Variants in NRXN3 observed in about 807,000 individuals in gnomAD.
NRXN3 encodes the protein neurexin III.
In NRXN3, 32 loss-of-function variants were observed where a neutral mutation model predicts 137.6. That is an observed-to-expected ratio of 0.23 (90% confidence interval 0.18 to 0.31). The LOEUF (loss-of-function observed/expected upper bound fraction) is 0.31. Ranked by LOEUF, NRXN3 falls within the 10% of genes least tolerant of loss-of-function variation. The probability of loss-of-function intolerance (pLI) is 1.00; values close to 1 mark genes in which losing one functional copy is unlikely to be tolerated. For synonymous variants in NRXN3, 798 were observed against 784.5 expected, an observed-to-expected ratio of 1.02 and a Z score of -0.29; for missense variants, 1,574 against 2,062.5, an observed-to-expected ratio of 0.76 and a Z score of 4.59.
chr14:79,722,401 A>G (rs1777621261), intron 19 of NRXN3, among the ~76,000 whole-genome samples: 1 of 152,132 alleles, frequency 6.6e-6, no homozygotes, highest in East Asian at 1.9e-4. Context: ...ACTTCATGCC[A>G]TCATGCCTGT....
intron 8 of NRXN3, among the ~76,000 whole-genome samples, chr14:78,789,065 T>G (rs1166594588): frequency 5.9e-5 from 9 of 152,278 alleles, no homozygotes; most frequent in African/African-American, 2.2e-4. Context: ...ATTTTGAAAT[T>G]TTATAACATG....
chr14:79,839,056 A>C (rs1052776943), intron 20 of NRXN3, among the ~76,000 whole-genome samples: 17 of 152,302 alleles, frequency 1.1e-4, no homozygotes, highest in African/African-American at 3.8e-4. Flanking sequence ...ACAGAAAAGG[A>C]CTGAAGAAAG....
chr14:78,523,559 G>A (rs1467297404), intron 4 of NRXN3, among the ~76,000 whole-genome samples: 1 of 150,710 alleles, frequency 6.6e-6, no homozygotes, highest in African/African-American at 2.4e-5. Context: ...CAGCACTTTG[G>A]GAGGCCAAGG....
chr14:78,517,196 A>G (rs959824163), intron 4 of NRXN3, among the ~76,000 whole-genome samples: 2 of 152,174 alleles, frequency 1.3e-5, no homozygotes, highest in Admixed American at 6.5e-5. Context: ...TTAGAAATGT[A>G]TAAATCAGTG....
intron 15 of NRXN3, among the ~76,000 whole-genome samples, chr14:79,231,510 T>C (rs1356490120): frequency 6.6e-6 from 1 of 152,146 alleles, no homozygotes; most frequent in Non-Finnish European, 1.5e-5. Flanking sequence ...CCTGTTTCAG[T>C]AGGATAATTT....
intron 4 of NRXN3, among the ~76,000 whole-genome samples, chr14:78,306,127 C>T (rs1427112115): frequency 1.3e-5 from 2 of 152,104 alleles, no homozygotes; most frequent in African/African-American, 4.8e-5. Flanking sequence ...ATAAAATGTA[C>T]AATGTATCAG....
At chr14:79,756,138 T>A (rs190380916) in intron 19 of NRXN3, among the ~76,000 whole-genome samples, 1 of 152,258 alleles carries the variant, frequency 6.6e-6, no homozygotes, top group Admixed American at 6.5e-5. Flanking sequence ...CTGGAACACA[T>A]ACGAGGGAAC....
intron 15 of NRXN3, among the ~76,000 whole-genome samples, chr14:79,122,425 C>T (rs1419253079): frequency 6.6e-6 from 1 of 152,156 alleles, no homozygotes; most frequent in African/African-American, 2.4e-5. Context: ...AATTTCCTCT[C>T]AGTGGAATGA....
intron 15 of NRXN3, among the ~76,000 whole-genome samples, chr14:79,079,562 C>CTAT (rs2046545574): frequency 6.6e-6 from 1 of 152,018 alleles, no homozygotes; most frequent in African/African-American, 2.4e-5. Flanking sequence ...CCCATTATAG[C>CTAT]TATTTTTTTT....
chr14:79,602,976 G>A (rs2097945307), intron 16 of NRXN3, among the ~76,000 whole-genome samples: 1 of 152,150 alleles, frequency 6.6e-6, no homozygotes, highest in South Asian at 2.1e-4. Context: ...GAGCCTGGGA[G>A]CCTCTGAAGG....
At chr14:78,177,067 G>T (rs547570884) in intron 1 of NRXN3, among the ~76,000 whole-genome samples, 2 of 152,248 alleles carry the variant, frequency 1.3e-5, no homozygotes, top group South Asian at 4.2e-4. Context: ...ATATAGCCCT[G>T]CCCGTCAAGG....
At chr14:79,066,858 C>T (rs187777475) in intron 15 of NRXN3, among the ~76,000 whole-genome samples, 1 of 152,038 alleles carries the variant, frequency 6.6e-6, no homozygotes. Flanking sequence ...GCTTACGAAG[C>T]CTTTGAGCTG....
chr14:78,684,721 A>C (rs1242575282), intron 6 of NRXN3, among the ~76,000 whole-genome samples: 1 of 152,124 alleles, frequency 6.6e-6, no homozygotes. Flanking sequence ...TTGAGCCCAC[A>C]AGTTCGAGGC....
At chr14:78,379,000 A>G (rs150198821) in intron 4 of NRXN3, among the ~76,000 whole-genome samples, 1 of 151,550 alleles carries the variant, frequency 6.6e-6, no homozygotes, top group African/African-American at 2.4e-5. Context: ...GCAACCCTAC[A>G]CACAAAAGTT....
intron 8 of NRXN3, among the ~76,000 whole-genome samples, chr14:78,735,295 A>G (rs1473481189): frequency 6.6e-6 from 1 of 152,224 alleles, no homozygotes; most frequent in Non-Finnish European, 1.5e-5. Context: ...CAAACATCTC[A>G]ATATCAAACA....
At chr14:79,266,942 C>T (rs923533274) in intron 15 of NRXN3, among the ~76,000 whole-genome samples, 103 of 152,128 alleles carry the variant, frequency 6.8e-4, no homozygotes, top group African/African-American at 2.4e-3. Context: ...GTAAATTGCT[C>T]AAGCACCATG....
At chr14:79,679,460 T>A (rs1330635440) in intron 17 of NRXN3, among the ~76,000 whole-genome samples, 1 of 152,152 alleles carries the variant, frequency 6.6e-6, no homozygotes, top group Non-Finnish European at 1.5e-5. Flanking sequence ...GTTATAAAGG[T>A]TATAAGAACC....
intron 15 of NRXN3, among the ~76,000 whole-genome samples, chr14:79,448,038 G>A (rs1038834622): frequency 1.3e-5 from 2 of 152,164 alleles, no homozygotes; most frequent in Non-Finnish European, 2.9e-5. Flanking sequence ...TCCTTCACAC[G>A]AAGTGCTTCC....
chr14:78,662,047 T>C (rs2097846347), intron 6 of NRXN3, among the ~76,000 whole-genome samples: 2 of 150,220 alleles, frequency 1.3e-5, no homozygotes, highest in African/African-American at 2.4e-5. Flanking sequence ...AGCTAATTTT[T>C]GTATTTTTAG....
Sources: gnomAD v4.1 joint callset for allele counts (sites outside exome capture counted in the v4.1 genomes callset) on GRCh38, gnomAD v4.1.1 for gene constraint, MANE v1.5 for transcripts, NCBI Gene and HGNC (gene_info 2026-07-23, HGNC 2026-07-21) for gene names.